Variants in CBFA2T2 observed in about 807,000 individuals in gnomAD.
The protein encoded by CBFA2T2 is protein CBFA2T2.
CBFA2T2 carries 11 observed loss-of-function variants against 62.2 expected under a neutral mutation model. The observed-to-expected ratio is 0.18, with a 90% CI of 0.11 to 0.29. The LOEUF (loss-of-function observed/expected upper bound fraction) is 0.29. CBFA2T2 is among the 10% of genes least tolerant of loss of function. CBFA2T2 has a pLI of 1.00. For missense variants in CBFA2T2, 592 were observed against 774.1 expected, an observed-to-expected ratio of 0.76 and a Z score of 2.79; for synonymous variants, 295 against 287.5, an observed-to-expected ratio of 1.03 and a Z score of -0.27.
At position 33,577,535 on chromosome 20, in the gene CBFA2T2, G is replaced by A. The variant is rs184292668; in HGVS notation, c.35-29421G>A. ...TTGTCCAGGGTGTGCTTCAGCTGTA[G>A]ACTGTGTATTTACGTTCATATATTT... On this transcript the variant is annotated intron_variant, in intron 1 of 10. Transcript: ENST00000342704. 2.2e-3 allele frequency among the ~76,000 whole-genome samples: 340 copies of A among 152,246 alleles called. 3 individuals are homozygous for A. Among genetic ancestry groups the A allele is most frequent in the African/African-American group, 7.7e-3 (318 of 41,542 alleles).
Position 33,490,965 on chromosome 20 carries a change from A to C in CBFA2T2, c.34+664A>C, listed in dbSNP as rs374007943. Reference sequence around the variant, plus strand: ...ATTAATCTGATCCAGTGTGCACCGCACTCGGAAAAGTCCGAAATTAGGCTC... The same window carrying C: ...ATTAATCTGATCCAGTGTGCACCGCCCTCGGAAAAGTCCGAAATTAGGCTC... On this transcript the variant is annotated intron_variant, in intron 1 of 10. Coordinates refer to ENST00000342704, the MANE Select transcript of CBFA2T2 (RefSeq NM_001032999.3). 2.6e-5 allele frequency among the ~76,000 whole-genome samples: 4 copies of C among 152,234 alleles called. No individual in the cohort carries two copies. In the South Asian group the frequency reaches 6.2e-4, roughly 24 times the overall value.
chr20:33,532,769 G>A (rs1181104901), intron 1 of CBFA2T2, among the ~76,000 whole-genome samples: 2 of 152,172 alleles, frequency 1.3e-5, no homozygotes, highest in Non-Finnish European at 2.9e-5. Flanking sequence ...TTTAAAAGCT[G>A]ACAGGCCTAG....
intron 1 of CBFA2T2, among the ~76,000 whole-genome samples, chr20:33,500,267 T>C (rs1342187303): frequency 6.6e-6 from 1 of 152,070 alleles, no homozygotes; most frequent in Non-Finnish European, 1.5e-5. Context: ...AAACCCACTT[T>C]TTTTTAACCC....
chr20:33,530,660 A>G (rs2146869312), intron 1 of CBFA2T2, among the ~76,000 whole-genome samples: 1 of 151,034 alleles, frequency 6.6e-6, no homozygotes, highest in African/African-American at 2.4e-5. Context: ...TGATCCGCCC[A>G]CCTCCACCTC....
At chr20:33,555,342 T>G (rs1292619060) in intron 1 of CBFA2T2, among the ~76,000 whole-genome samples, 1 of 152,140 alleles carries the variant, frequency 6.6e-6, no homozygotes, top group African/African-American at 2.4e-5. Flanking sequence ...GAGACCGTCA[T>G]GAATGGGATC....
At chr20:33,521,992 T>C (rs1047489086) in intron 1 of CBFA2T2, among the ~76,000 whole-genome samples, 1 of 150,962 alleles carries the variant, frequency 6.6e-6, no homozygotes, top group African/African-American at 2.4e-5. Context: ...TAAATAGTAG[T>C]ATATATATAT....
At chr20:33,614,937 G>C (rs1398649464) in intron 3 of CBFA2T2, among the ~76,000 whole-genome samples, 2 of 152,214 alleles carry the variant, frequency 1.3e-5, no homozygotes, top group Non-Finnish European at 1.5e-5. Context: ...TCTAAGGCTA[G>C]CAGTTTTAGG....
intron 1 of CBFA2T2, among the ~76,000 whole-genome samples, chr20:33,566,134 A>G (rs1162601592): frequency 6.6e-6 from 1 of 152,180 alleles, no homozygotes; most frequent in Non-Finnish European, 1.5e-5. Context: ...TGGGATGGCA[A>G]ATAGTCTCCC....
intron 1 of CBFA2T2, chr20:33,573,958 T>A: frequency 2.9e-6 from 1 of 339,374 alleles, no homozygotes; most frequent in East Asian, 6.8e-5. Flanking sequence ...TTTTTCTTAT[T>A]TTTTTTTTTT....
chr20:33,491,069 A>G (rs1283200108), intron 1 of CBFA2T2, among the ~76,000 whole-genome samples: 1 of 152,114 alleles, frequency 6.6e-6, no homozygotes, highest in Non-Finnish European at 1.5e-5. Context: ...CCATTTAGCC[A>G]TTCCAGTATT....
At chr20:33,546,622 A>AT (rs1314929452) in intron 1 of CBFA2T2, among the ~76,000 whole-genome samples, 4 of 150,352 alleles carry the variant, frequency 2.7e-5, no homozygotes, top group South Asian at 2.1e-4. Flanking sequence ...TTTTTTTTTA[A>AT]TTTTTTGTAG....
intron 10 of CBFA2T2, among the ~76,000 whole-genome samples, chr20:33,642,701 C>T (rs2016901889): frequency 6.6e-6 from 1 of 152,102 alleles, no homozygotes; most frequent in Non-Finnish European, 1.5e-5. Context: ...TGTTTCTCTT[C>T]TCTATGTTTA....
chr20:33,535,627 T>A (rs932357393), intron 1 of CBFA2T2, among the ~76,000 whole-genome samples: 11 of 150,028 alleles, frequency 7.3e-5, no homozygotes, highest in African/African-American at 2.2e-4. Flanking sequence ...TTTTTTCTTT[T>A]TTTTTTTGAC....
intron 1 of CBFA2T2, among the ~76,000 whole-genome samples, chr20:33,568,462 C>T (rs925837369): frequency 5.9e-5 from 9 of 152,156 alleles, no homozygotes; most frequent in African/African-American, 2.2e-4. Flanking sequence ...GTGTGGCAAG[C>T]TGTTAACATT....
chr20:33,553,610 C>CT (rs772971345), intron 1 of CBFA2T2, among the ~76,000 whole-genome samples: 38 of 152,186 alleles, frequency 2.5e-4, no homozygotes, highest in Non-Finnish European at 4.3e-4. Context: ...CCCAACCCTG[C>CT]TAATGCGGCA....
intron 1 of CBFA2T2, among the ~76,000 whole-genome samples, chr20:33,544,973 AATAGAATAG>A (rs1207493617): frequency 6.8e-6 from 1 of 146,114 alleles, no homozygotes; most frequent in Non-Finnish European, 1.5e-5. Context: ...AATAGAATAG[AATAGAATAG>A]AATAGAATAG....
rs1447081500 is a variant in CBFA2T2, at chr20:33,503,949, A to G, written c.34+13648A>G. On this transcript the variant is annotated intron_variant, in intron 1 of 10. Coordinates refer to ENST00000342704, the MANE Select transcript of CBFA2T2 (RefSeq NM_001032999.3). ...ATTAGTATGCAGTTGTAATCATCAA[A>G]CCAGATAGAGATAATTTTCATTCTT... 3.9e-5 allele frequency among the ~76,000 whole-genome samples: 6 copies of G among 152,156 alleles called. No homozygotes were observed. The East Asian group carries it at 1.2e-3, about 29-fold the overall frequency.
chr20:33,542,801 A>G (rs1175809137), intron 1 of CBFA2T2, among the ~76,000 whole-genome samples: 1 of 151,912 alleles, frequency 6.6e-6, no homozygotes, highest in Non-Finnish European at 1.5e-5. Context: ...CCTCCCGGGA[A>G]GCTGGGACTA....
intron 4 of CBFA2T2, among the ~76,000 whole-genome samples, chr20:33,620,001 CAGTTT>C (rs2122324374): frequency 6.6e-6 from 1 of 152,212 alleles, no homozygotes; most frequent in South Asian, 2.1e-4. Flanking sequence ...AAGGTCTTTG[CAGTTT>C]AGACTTACTC....
Sources: gnomAD v4.1 joint callset for allele counts (sites outside exome capture counted in the v4.1 genomes callset) on GRCh38, gnomAD v4.1.1 for gene constraint, MANE v1.5 for transcripts, NCBI Gene and HGNC (gene_info 2026-07-23, HGNC 2026-07-21) for gene names.